Variants in VRK2 observed in about 807,000 individuals in gnomAD.
The protein encoded by VRK2 is VRK serine/threonine kinase 2.
VRK2 carries 60 observed loss-of-function variants against 57.6 expected under a neutral mutation model. The observed-to-expected ratio is 1.04, with a 90% CI of 0.85 to 1.29. The LOEUF (loss-of-function observed/expected upper bound fraction) is 1.29, where lower values mean the gene tolerates loss of function less well. VRK2 is among the 50% of genes most tolerant of loss of function. The pLI is 0.00. For synonymous variants in VRK2, 231 were observed against 199.2 expected (o/e 1.16, Z -1.35); for missense variants, 705 against 588.1 (o/e 1.20, Z -2.06).
intron 2 of VRK2, among the ~76,000 whole-genome samples, chr2:58,070,103 G>T (rs1313496386): frequency 6.6e-6 from 1 of 152,102 alleles, no homozygotes; most frequent in Non-Finnish European, 1.5e-5. Flanking sequence ...CTAACAACTT[G>T]AATTAGTGTG....
At chr2:58,156,283 ATTTC>A (rs773110396) in intron 12 of VRK2, among the ~76,000 whole-genome samples, 9 of 151,612 alleles carry the variant, frequency 5.9e-5, no homozygotes, top group African/African-American at 1.9e-4. Context: ...TTTATAATGT[ATTTC>A]TTTCTGTGGC....
intron 2 of VRK2, among the ~76,000 whole-genome samples, chr2:58,050,231 A>T: frequency 6.6e-6 from 1 of 152,326 alleles, no homozygotes; most frequent in Admixed American, 6.5e-5. Context: ...ATATGCTCTC[A>T]ACATAAACAA....
At position 58,136,938 on chromosome 2, in the gene VRK2, TATTA is replaced by T. The variant is rs1267985403; in HGVS notation, c.856+1740_856+1743del. Among the ~76,000 whole-genome samples the T allele has an allele frequency of 2.9e-5, 4 of 136,574 alleles. No homozygotes were observed. The East Asian group carries it at 8.1e-4, about 28-fold the overall frequency. The allele number at this position is 136,574 out of a possible 152,430, so 89.6% of individuals were successfully genotyped here. A position where few individuals can be genotyped will look rare whatever the true frequency, so the allele number is the denominator to read the frequency against. On this transcript the variant is annotated intron_variant, in intron 10 of 12. Transcript: ENST00000340157. ...ATCATATATGTGTATATATCATATATATTATATATCATATATGTGTATATATATC... is the reference window on the plus strand; with the variant it reads ...ATCATATATGTGTATATATCATATATTATATCATATATGTGTATATATATC...
chr2:57,918,751 T>C (rs1393966085), intron 1 of VRK2, among the ~76,000 whole-genome samples: 6 of 152,140 alleles, frequency 3.9e-5, no homozygotes, highest in Non-Finnish European at 7.4e-5. Context: ...TTTACTCTTC[T>C]ATTGAGTTAA....
At chr2:58,007,605 A>G (rs947976426) in intron 1 of VRK2, among the ~76,000 whole-genome samples, 4 of 152,170 alleles carry the variant, frequency 2.6e-5, no homozygotes, top group African/African-American at 9.7e-5. Flanking sequence ...TACATATTAC[A>G]TATAACATAC....
chr2:57,960,466 G>A (rs1333242665), intron 1 of VRK2, among the ~76,000 whole-genome samples: 1 of 152,216 alleles, frequency 6.6e-6, no homozygotes, highest in Admixed American at 6.5e-5. Flanking sequence ...GTGGCCACAT[G>A]AATGGTCTGG....
Position 58,048,987 on chromosome 2 carries a change from T to G in VRK2, c.136+20T>G, listed in dbSNP as rs1244406585. On this transcript the variant is annotated intron_variant, in intron 2 of 12. Coordinates refer to ENST00000340157, the MANE Select transcript of VRK2 (RefSeq NM_006296.7). ...ATTTAGGTAAAGTAAAACCTTAAAT[T>G]AACAATTATTCTTATATCTGTGACT... The G allele has an allele frequency of 6.2e-7, 1 of 1,606,150 alleles. No individual in the cohort carries two copies. Among genetic ancestry groups the G allele is most frequent in the South Asian group, 1.1e-5 (1 of 89,802 alleles).
intron 1 of VRK2, among the ~76,000 whole-genome samples, chr2:57,965,896 A>G (rs899845293): frequency 2.0e-5 from 3 of 152,206 alleles, no homozygotes; most frequent in African/African-American, 4.8e-5. Context: ...TGAAAAGTAC[A>G]TTTACATATA....
chr2:58,137,016 ATC>A (rs1312837235), intron 10 of VRK2, among the ~76,000 whole-genome samples: 25 of 132,536 alleles, frequency 1.9e-4, no homozygotes, highest in South Asian at 1.5e-3. Context: ...TATTATATAT[ATC>A]TCATATGTGT....
At chr2:58,115,243 TGGATCAGAGA>T (rs1230498613) in intron 7 of VRK2, among the ~76,000 whole-genome samples, 35 of 151,796 alleles carry the variant, frequency 2.3e-4, no homozygotes, top group Non-Finnish European at 4.3e-4. Context: ...GAATATCAGG[TGGATCAGAGA>T]GATACAGTCA....
intron 7 of VRK2, among the ~76,000 whole-genome samples, chr2:58,107,908 G>T (rs1232826493): frequency 1.3e-5 from 2 of 151,974 alleles, no homozygotes; most frequent in African/African-American, 4.8e-5. Context: ...TTCCATTTGA[G>T]CCAGTCTGGC....
intron 2 of VRK2, among the ~76,000 whole-genome samples, chr2:58,062,762 A>C (rs1677538502): frequency 6.6e-6 from 1 of 152,094 alleles, no homozygotes; most frequent in African/African-American, 2.4e-5. Flanking sequence ...ATGAGGTTTT[A>C]AGGAAAGAAG....
chr2:58,073,636 T>TTA (rs1205697238), intron 2 of VRK2, among the ~76,000 whole-genome samples: 1,770 of 116,860 alleles, frequency 0.015, 45 homozygotes, highest in African/African-American at 0.054. Flanking sequence ...ACTAATAGGA[T>TTA]TATATATATA....
intron 12 of VRK2, among the ~76,000 whole-genome samples, chr2:58,154,159 G>A (rs556381399): frequency 6.6e-6 from 1 of 152,086 alleles, no homozygotes; most frequent in African/African-American, 2.4e-5. Flanking sequence ...TTTCTTCCCA[G>A]ATACTGGTAG....
chr2:57,992,660 C>A (rs938649122), intron 1 of VRK2, among the ~76,000 whole-genome samples: 4 of 152,072 alleles, frequency 2.6e-5, no homozygotes, highest in Non-Finnish European at 2.9e-5. Context: ...CCTCAGCCTC[C>A]CGAGTAGCTG....
chr2:58,080,095 T>C (rs1670646777), intron 2 of VRK2, among the ~76,000 whole-genome samples: 1 of 151,998 alleles, frequency 6.6e-6, no homozygotes, highest in Non-Finnish European at 1.5e-5. Context: ...CAAAAATATT[T>C]CTTTATTTGT....
At chr2:58,025,483 T>C (rs1232432350) in intron 1 of VRK2, among the ~76,000 whole-genome samples, 2 of 152,310 alleles carry the variant, frequency 1.3e-5, no homozygotes, top group East Asian at 3.9e-4. Flanking sequence ...AGGCTAGTTT[T>C]CATTTTAATC....
At chr2:57,939,935 C>T (rs1671039140) in intron 1 of VRK2, among the ~76,000 whole-genome samples, 1 of 152,144 alleles carries the variant, frequency 6.6e-6, no homozygotes. Context: ...ATGCCCATTG[C>T]ATCCCTCACA....
At chr2:57,950,697 T>G (rs1274853306) in intron 1 of VRK2, among the ~76,000 whole-genome samples, 1 of 152,208 alleles carries the variant, frequency 6.6e-6, no homozygotes, top group Non-Finnish European at 1.5e-5. Context: ...AAATACATTT[T>G]GTAAGGCTAC....
Sources: gnomAD v4.1 joint callset for allele counts (sites outside exome capture counted in the v4.1 genomes callset) on GRCh38, gnomAD v4.1.1 for gene constraint, MANE v1.5 for transcripts, NCBI Gene and HGNC (gene_info 2026-07-23, HGNC 2026-07-21) for gene names.